Variants in MGAM observed in about 807,000 individuals in gnomAD.
The protein encoded by MGAM is maltase-glucoamylase, also known as alpha-1,4-glucosidase.
MGAM carries 253 observed loss-of-function variants against 358.8 expected under a neutral mutation model. The ratio of observed to expected loss-of-function variants is 0.71; its 90% CI spans 0.64 to 0.78. MGAM has a LOEUF of 0.78. MGAM is among the 30% of genes least tolerant of loss of function. MGAM has a pLI of 0.00. For synonymous variants in MGAM, 1,105 were observed against 1,227.1 expected (o/e 0.90, Z 2.08); for missense variants, 3,080 against 3,432.6 (o/e 0.90, Z 2.57).
At chr7:142,095,538 C>G in intron 63 of MGAM, 27 bp from the exon 64 acceptor site, 2 of 1,612,114 alleles carry the variant, frequency 1.2e-6, no homozygotes, top group African/African-American at 2.7e-5. Flanking sequence ...AGGGCAAGCT[C>G]CCAACACTGT....
intron 7 of MGAM, among the ~76,000 whole-genome samples, chr7:142,023,519 C>A (rs1484597092): frequency 6.6e-6 from 1 of 151,814 alleles, no homozygotes; most frequent in Non-Finnish European, 1.5e-5. Flanking sequence ...ATAATAATTT[C>A]TTGTTAGAAA....
At chr7:141,998,563 A>G (rs12703415) in intron 1 of MGAM, among the ~76,000 whole-genome samples, 34,727 of 152,058 alleles carry the variant, frequency 0.23, 4,171 homozygotes, top group Middle Eastern at 0.27. Context: ...AGTTTCATCC[A>G]TGTCCCTGCA....
intron 43 of MGAM, among the ~76,000 whole-genome samples, chr7:142,070,242 A>T (rs1005163370): frequency 2.1e-5 from 3 of 145,422 alleles, no homozygotes; most frequent in East Asian, 2.0e-4. Flanking sequence ...TTTAATTAAA[A>T]TGAAGATGAA....
At chr7:142,055,899 G>A (rs1811476585) in intron 28 of MGAM, 101 bp from the exon 29 acceptor site, 4 of 1,450,118 alleles carry the variant, frequency 2.8e-6, no homozygotes, top group Admixed American at 2.0e-5. Context: ...CTAGTTTCAT[G>A]GAGAAAACTA....
chr7:142,076,566 G>A (rs996506636), intron 46 of MGAM, 93 bp from the exon 47 acceptor site: 4 of 1,150,070 alleles, frequency 3.5e-6, no homozygotes, highest in East Asian at 5.0e-5. Context: ...GGCAGTGGGG[G>A]GTATCCAGTC....
intron 34 of MGAM, among the ~76,000 whole-genome samples, chr7:142,060,729 A>T (rs1585034864): frequency 6.6e-6 from 1 of 152,250 alleles, no homozygotes; most frequent in African/African-American, 2.4e-5. Context: ...CTTTTCTCTG[A>T]ACTGGCATAC....
chr7:142,008,690 C>A lies in MGAM; in HGVS notation c.312C>A (p.Asp104Glu), dbSNP rs782038080. Residue 104 changes from aspartate to glutamate, a missense_variant, in exon 3 of 71, where the codon GAC (aspartate) becomes GAA (glutamate). Asp to Glu is a conservative substitution (Grantham distance 45). Coordinates refer to ENST00000475668, the MANE Select transcript of MGAM (RefSeq NM_001365693.1). ...TGGAACGAATTAATTGCATCCCTGACCAGCCGCCAACAAAGGTTTGAGTTA... is the reference window on the plus strand; with the variant it reads ...TGGAACGAATTAATTGCATCCCTGAACAGCCGCCAACAAAGGTTTGAGTTA... ...NELERINCIP[D>E]QPPTKATCDQ... is the part of the protein sequence containing the mutation. The A allele has an allele frequency of 2.5e-6, 4 of 1,612,808 alleles. No homozygotes were observed. The highest frequency in any genetic ancestry group is 3.4e-6 in the Non-Finnish European group (4 of 1,179,308).
chr7:142,043,820 G>C (rs1206398647), intron 21 of MGAM, among the ~76,000 whole-genome samples: 3 of 98,102 alleles, frequency 3.1e-5, no homozygotes, highest in African/African-American at 9.1e-5. Context: ...CACATACGAC[G>C]TATAATATAT....
intron 57 of MGAM, among the ~76,000 whole-genome samples, chr7:142,089,825 G>A (rs962893438): frequency 6.9e-6 from 1 of 145,644 alleles, no homozygotes; most frequent in East Asian, 2.0e-4. Context: ...TAAAAGTAAT[G>A]ACAAAAACTT....
At chr7:141,996,348 C>T in intron 1 of MGAM, among the ~76,000 whole-genome samples, 1 of 148,768 alleles carries the variant, frequency 6.7e-6, no homozygotes, top group South Asian at 2.1e-4. Context: ...CAAAGATAAA[C>T]AACACCAATA....
In MGAM at chr7:142,106,167, G is replaced by T. The variant is rs1816844175; in HGVS notation, c.*276G>T. 1.2e-5 allele frequency: 3 copies of T among 254,290 alleles called. No individual in the cohort carries two copies. In the South Asian group the frequency reaches 1.6e-4, roughly 14 times the overall value. The allele number at this position is 254,290 out of a possible 1,614,324, so 15.8% of individuals were successfully genotyped here. On this transcript the variant is annotated 3_prime_UTR_variant, in exon 71 of 71. Coordinates refer to ENST00000475668, the MANE Select transcript of MGAM (RefSeq NM_001365693.1). ...TGTTCATCATATGACATTTACTGAA[G>T]ATGAACTGGGTCCATGATGAAGTGT...
rs567610479 is a variant in MGAM at position 142,050,314 on chromosome 7, T to A, written c.2637+30T>A. 171 of 1,605,978 alleles carry A rather than the reference T, an allele frequency of 1.1e-4. 3 individuals are homozygous for A. The South Asian group carries it at 1.8e-3, about 17-fold the overall frequency. On this transcript the variant is annotated intron_variant, in intron 23 of 70. Coordinates refer to ENST00000475668, the MANE Select transcript of MGAM (RefSeq NM_001365693.1). ...GTAGCATATTTTTATGAATCTTAGG[T>A]GTGGGCTTTGGACTGACCATTAGCA...
chr7:142,046,788 T>A (rs1810451867), intron 21 of MGAM, among the ~76,000 whole-genome samples: 1 of 152,132 alleles, frequency 6.6e-6, no homozygotes, highest in Non-Finnish European at 1.5e-5. Context: ...GTCCACCATA[T>A]TTCTGGAACT....
chr7:141,993,295 T>C (rs1053684984), upstream of MGAM, among the ~76,000 whole-genome samples: 1 of 152,228 alleles, frequency 6.6e-6, no homozygotes, highest in Non-Finnish European at 1.5e-5. Context: ...ACAGCAATTG[T>C]TTTAAAATTG....
chr7:142,027,585 T>C, intron 9 of MGAM, 25 bp from the exon 10 acceptor site: 1 of 1,610,762 alleles, frequency 6.2e-7, no homozygotes. Flanking sequence ...TATTTGCTAA[T>C]TTTCACTTCA....
At chr7:142,053,021 C>A (rs1190079270) in intron 26 of MGAM, 37 bp downstream of exon 26, 1 of 1,597,142 alleles carries the variant, frequency 6.3e-7, no homozygotes, top group Non-Finnish European at 8.6e-7. Context: ...TGATTAGACC[C>A]TTTTCAGTTC....
At chr7:141,995,115 G>C (rs1399767468), upstream of MGAM, among the ~76,000 whole-genome samples, 1 of 152,128 alleles carries the variant, frequency 6.6e-6, no homozygotes, top group Non-Finnish European at 1.5e-5. Flanking sequence ...TTCCAACCTT[G>C]CCTTATGAAT....
intron 22 of MGAM, among the ~76,000 whole-genome samples, chr7:142,049,917 A>C (rs2961088): frequency 1.3e-5 from 2 of 151,996 alleles, no homozygotes; most frequent in African/African-American, 2.4e-5. Flanking sequence ...CAGAACTTCC[A>C]TACAATCCCA....
At chr7:142,056,124 T>TG (rs747630276) in intron 29 of MGAM, 28 bp downstream of exon 29, 10 of 1,567,670 alleles carry the variant, frequency 6.4e-6, no homozygotes, top group Middle Eastern at 1.7e-4. Flanking sequence ...TCCCTTATTT[T>TG]GGGGGGATAC....
Sources: allele counts gnomAD v4.1 joint callset (sites outside exome capture counted in the v4.1 genomes callset), GRCh38; gene constraint gnomAD v4.1.1; transcripts MANE v1.5; gene names NCBI Gene and HGNC (gene_info 2026-07-23, HGNC 2026-07-21).